Variants in OSBPL1A observed in about 807,000 individuals in gnomAD.
OSBPL1A encodes oxysterol binding protein like 1A.
A neutral mutation model predicts 137.1 loss-of-function variants in OSBPL1A; 80 were observed. The ratio of observed to expected loss-of-function variants is 0.58; its 90% CI spans 0.49 to 0.70. The LOEUF (loss-of-function observed/expected upper bound fraction) is 0.70, where lower values mean the gene tolerates loss of function less well. Among genes scored for constraint, OSBPL1A ranks in the 30% least tolerant of loss-of-function variants. The probability of loss-of-function intolerance (pLI) is 0.00; values close to 1 mark genes in which losing one functional copy is unlikely to be tolerated. For synonymous variants in OSBPL1A, 365 were observed against 389.7 expected (o/e 0.94, Z 0.75); for missense variants, 970 against 1,129.4 (o/e 0.86, Z 2.02).
chr18:24,210,032 G>A (rs774360868), intron 17 of OSBPL1A, among the ~76,000 whole-genome samples: 5 of 152,114 alleles, frequency 3.3e-5, no homozygotes, highest in Non-Finnish European at 7.4e-5. Context: ...CTGCAACCAC[G>A]AAACAAACAA....
intron 1 of OSBPL1A, among the ~76,000 whole-genome samples, chr18:24,394,855 G>T (rs1232442747): frequency 6.6e-6 from 1 of 152,100 alleles, no homozygotes; most frequent in East Asian, 1.9e-4. Flanking sequence ...CTACTTGCAG[G>T]CTGATAAATA....
chr18:24,324,008 A>G (rs2146129570), intron 7 of OSBPL1A, among the ~76,000 whole-genome samples: 1 of 71,518 alleles, frequency 1.4e-5, no homozygotes, highest in South Asian at 3.8e-4. Context: ...CGCAATAAAC[A>G]TACGTGTGCA....
chr18:24,376,889 A>AGCCCAC (rs775883338), intron 2 of OSBPL1A, among the ~76,000 whole-genome samples: 10 of 152,186 alleles, frequency 6.6e-5, no homozygotes, highest in Non-Finnish European at 1.0e-4. Flanking sequence ...GGGCCCACCA[A>AGCCCAC]GCCCACGCCC....
chr18:24,179,944 G>A (rs1399746319), intron 19 of OSBPL1A, 109 bp from the exon 20 acceptor site: 2 of 827,222 alleles, frequency 2.4e-6, no homozygotes, highest in Admixed American at 4.2e-5. Context: ...ATTTTGAGGA[G>A]TTTCATTACT....
At chr18:24,170,267 G>T (rs979704083) in intron 24 of OSBPL1A, 60 bp downstream of exon 24, 3 of 1,593,230 alleles carry the variant, frequency 1.9e-6, no homozygotes, top group Admixed American at 3.5e-5. Context: ...ACCTCCAAAA[G>T]GATTAGTACA....
chr18:24,347,484 C>T (rs561816734), intron 4 of OSBPL1A, among the ~76,000 whole-genome samples: 38 of 152,214 alleles, frequency 2.5e-4, no homozygotes, highest in African/African-American at 8.7e-4. Flanking sequence ...AGCGCCCGGC[C>T]GTAAAGCAAT....
intron 15 of OSBPL1A, among the ~76,000 whole-genome samples, chr18:24,263,415 T>C (rs572648670): frequency 5.1e-4 from 78 of 152,258 alleles, no homozygotes; most frequent in Admixed American, 1.4e-3. Flanking sequence ...ATGTATATTT[T>C]ACCAAAAACA....
At chr18:24,332,221 C>CA (rs1250027938) in intron 7 of OSBPL1A, among the ~76,000 whole-genome samples, 3 of 151,118 alleles carry the variant, frequency 2.0e-5, no homozygotes, top group East Asian at 2.0e-4. Flanking sequence ...ACTAAAAATA[C>CA]AAAAAAATCA....
chr18:24,340,882 T>C (rs2091263450), intron 5 of OSBPL1A, among the ~76,000 whole-genome samples: 1 of 152,244 alleles, frequency 6.6e-6, no homozygotes, highest in Non-Finnish European at 1.5e-5. Flanking sequence ...CCTGCACTTC[T>C]GTATCCCTTC....
intron 15 of OSBPL1A, among the ~76,000 whole-genome samples, chr18:24,265,678 A>G (rs895302969): frequency 6.6e-6 from 1 of 152,158 alleles, no homozygotes; most frequent in African/African-American, 2.4e-5. Flanking sequence ...AGGCAAAAGA[A>G]CAGCTGACGT....
chr18:24,197,133 A>G (rs2087058159), intron 17 of OSBPL1A, among the ~76,000 whole-genome samples: 1 of 152,166 alleles, frequency 6.6e-6, no homozygotes, highest in Non-Finnish European at 1.5e-5. Context: ...AGATCACTGG[A>G]GCTCAGGAGT....
At chr18:24,230,964 C>A (rs112419430) in intron 16 of OSBPL1A, among the ~76,000 whole-genome samples, 8 of 152,204 alleles carry the variant, frequency 5.3e-5, no homozygotes, top group African/African-American at 1.9e-4. Context: ...TATAGGGAAA[C>A]CATCAAGCCA....
At chr18:24,236,020 T>C (rs551907635) in intron 16 of OSBPL1A, among the ~76,000 whole-genome samples, 22 of 152,102 alleles carry the variant, frequency 1.4e-4, no homozygotes, top group African/African-American at 5.1e-4. Flanking sequence ...TGCAGGCAGG[T>C]CCCTAGAAGC....
chr18:24,318,227 C>A (rs1430672490), intron 9 of OSBPL1A, among the ~76,000 whole-genome samples: 2 of 151,978 alleles, frequency 1.3e-5, no homozygotes, highest in African/African-American at 4.8e-5. Context: ...GGGTGGATCA[C>A]GAGGTCAGGA....
chr18:24,322,257 C>T (rs1463143508), intron 7 of OSBPL1A, among the ~76,000 whole-genome samples: 2 of 151,142 alleles, frequency 1.3e-5, no homozygotes, highest in Non-Finnish European at 2.9e-5. Context: ...CTACAGGCGC[C>T]CACCATCACG....
rs530167987 is a variant in OSBPL1A, at chr18:24,288,255, C to T, written c.1175-7307G>A. ...GACCCAAATGCATGAGAAAAGGTCA[C>T]TGTTGCTGCACAGAGTGTAGAAGGA... On this transcript the variant is annotated intron_variant, in intron 14 of 27. Transcript: ENST00000319481. Among the ~76,000 whole-genome samples, 39 of 152,286 alleles carry T rather than the reference C, an allele frequency of 2.6e-4. No individual in the cohort carries two copies. In the Middle Eastern group the frequency reaches 0.014, roughly 53 times the overall value.
In OSBPL1A at chr18:24,380,534, C is replaced by T. The variant is rs563196498; in HGVS notation, c.-2-2999G>A. On this transcript the variant is annotated intron_variant, in intron 1 of 27. Transcript: ENST00000319481. ...AGAAAGTGAAGAGCAGCCTAATCCCCCAACAAATTCCTGGATCCAGGATCC... is the reference window on the plus strand; with the variant it reads ...AGAAAGTGAAGAGCAGCCTAATCCCTCAACAAATTCCTGGATCCAGGATCC... 3.3e-5 allele frequency among the ~76,000 whole-genome samples: 5 copies of T among 152,340 alleles called. No individual in the cohort carries two copies. In the South Asian group the frequency reaches 1.0e-3, roughly 32 times the overall value.
intron 4 of OSBPL1A, among the ~76,000 whole-genome samples, chr18:24,345,352 G>A (rs2091329437): frequency 6.6e-6 from 1 of 152,122 alleles, no homozygotes; most frequent in Non-Finnish European, 1.5e-5. Context: ...AACTGGGAGA[G>A]CCAGACTCAG....
At chr18:24,283,569 T>A (rs190048311) in intron 14 of OSBPL1A, among the ~76,000 whole-genome samples, 79 of 152,206 alleles carry the variant, frequency 5.2e-4, no homozygotes, top group African/African-American at 1.8e-3. Flanking sequence ...CAAAAGAGAC[T>A]ACCATATGCT....
Sources: allele counts gnomAD v4.1 joint callset (sites outside exome capture counted in the v4.1 genomes callset), GRCh38; gene constraint gnomAD v4.1.1; transcripts MANE v1.5; gene names NCBI Gene and HGNC (gene_info 2026-07-23, HGNC 2026-07-21).